The following SNTG1 variants were observed in gnomAD, a reference collection of about 807,000 sequenced individuals.
The protein encoded by SNTG1 is syntrophin gamma 1, also known as gamma-1-syntrophin.
SNTG1 carries 39 observed loss-of-function variants against 74.7 expected under a neutral mutation model. The ratio of observed to expected loss-of-function variants is 0.52; its 90% CI spans 0.40 to 0.68. SNTG1 has a LOEUF of 0.68. Ranked by LOEUF, SNTG1 falls within the 30% of genes least tolerant of loss-of-function variation. The probability of loss-of-function intolerance (pLI) is 0.00; values close to 1 mark genes in which losing one functional copy is unlikely to be tolerated. For missense variants in SNTG1, 685 were observed against 609.5 expected, an observed-to-expected ratio of 1.12 and a Z score of -1.30; for synonymous variants, 254 against 217.1, an observed-to-expected ratio of 1.17 and a Z score of -1.49.
chr8:50,780,943 G>T (rs1262215886), intron 18 of SNTG1, among the ~76,000 whole-genome samples: 1 of 152,086 alleles, frequency 6.6e-6, no homozygotes, highest in Non-Finnish European at 1.5e-5. Context: ...CTTTATTTCT[G>T]CCTTTATTTC....
chr8:50,633,780 G>A (rs2095020306), intron 13 of SNTG1, among the ~76,000 whole-genome samples: 1 of 152,180 alleles, frequency 6.6e-6, no homozygotes, highest in African/African-American at 2.4e-5. Context: ...TTCCTATGGG[G>A]TGAGGAGTGC....
At chr8:50,016,671 T>C (rs1347256997) in intron 1 of SNTG1, among the ~76,000 whole-genome samples, 1 of 152,106 alleles carries the variant, frequency 6.6e-6, no homozygotes, top group Non-Finnish European at 1.5e-5. Context: ...AATAAGAAAA[T>C]TGCTTGAATT....
At chr8:50,309,144 T>G (rs2090012724) in intron 2 of SNTG1, among the ~76,000 whole-genome samples, 1 of 152,182 alleles carries the variant, frequency 6.6e-6, no homozygotes, top group African/African-American at 2.4e-5. Flanking sequence ...TAATCAAGCT[T>G]AAAGTTCAGA....
chr8:50,259,519 AGAAAGAAAGAAAGAAAGAAAG>A (rs1563810383), intron 2 of SNTG1, among the ~76,000 whole-genome samples: 479 of 14,110 alleles, frequency 0.034, 88 homozygotes, highest in South Asian at 0.05. Context: ...AAAGAAAGAA[AGAAAGAAAGAAAGAAAGAAAG>A]AAAGAAAGAA....
chr8:50,181,304 T>C (rs1239084580), intron 2 of SNTG1, among the ~76,000 whole-genome samples: 1 of 152,244 alleles, frequency 6.6e-6, no homozygotes, highest in Admixed American at 6.5e-5. Context: ...TCTGGATATT[T>C]GGACTTGATC....
At chr8:50,049,605 G>T (rs1352202195) in intron 1 of SNTG1, among the ~76,000 whole-genome samples, 1 of 152,032 alleles carries the variant, frequency 6.6e-6, no homozygotes, top group East Asian at 1.9e-4. Context: ...GAAAATGAGT[G>T]CATAGTGGAA....
At chr8:50,008,745 C>T (rs117119961) in intron 1 of SNTG1, among the ~76,000 whole-genome samples, 2,813 of 152,164 alleles carry the variant, frequency 0.018, 43 homozygotes, top group Admixed American at 0.025. Flanking sequence ...ATGTCAGCCA[C>T]CTGTTTTGTC....
chr8:50,259,509 A>AAAAG (rs2087053717), intron 2 of SNTG1, among the ~76,000 whole-genome samples: 1 of 10,976 alleles, frequency 9.1e-5, no homozygotes, highest in African/African-American at 1.2e-4. Context: ...AAAAAAAAAA[A>AAAAG]AAGAAAGAAA....
intron 17 of SNTG1, among the ~76,000 whole-genome samples, chr8:50,728,812 T>C (rs1020393970): frequency 6.6e-6 from 1 of 152,192 alleles, no homozygotes; most frequent in African/African-American, 2.4e-5. Flanking sequence ...ATTTTAGTAA[T>C]CCTAGATCCC....
chr8:50,192,123 C>A (rs550259413), intron 2 of SNTG1, among the ~76,000 whole-genome samples: 122 of 152,218 alleles, frequency 8.0e-4, no homozygotes, highest in African/African-American at 2.8e-3. Flanking sequence ...GCATCCCACC[C>A]TGAGTGCAGC....
chr8:50,284,991 G>A (rs1390343218), intron 2 of SNTG1, among the ~76,000 whole-genome samples: 1 of 151,954 alleles, frequency 6.6e-6, no homozygotes, highest in Non-Finnish European at 1.5e-5. Context: ...CTTCAGATGG[G>A]CAAGTTCTCC....
At chr8:50,741,433 A>C (rs554655439) in intron 17 of SNTG1, among the ~76,000 whole-genome samples, 3 of 152,032 alleles carry the variant, frequency 2.0e-5, no homozygotes, top group Non-Finnish European at 2.9e-5. Flanking sequence ...AGTACCCCTG[A>C]ACTTAAAATA....
At chr8:50,532,831 G>A (rs991276294) in intron 10 of SNTG1, among the ~76,000 whole-genome samples, 2 of 152,114 alleles carry the variant, frequency 1.3e-5, no homozygotes, top group African/African-American at 4.8e-5. Context: ...CTATTTAAAA[G>A]AAACATTTGA....
intron 2 of SNTG1, among the ~76,000 whole-genome samples, chr8:50,322,089 T>G (rs2090554585): frequency 6.7e-6 from 1 of 148,962 alleles, no homozygotes; most frequent in Non-Finnish European, 1.5e-5. Flanking sequence ...TTTTTCAGAT[T>G]GGAGAATTGC....
chr8:50,500,100 A>G (rs931302420), intron 8 of SNTG1, among the ~76,000 whole-genome samples: 1 of 151,970 alleles, frequency 6.6e-6, no homozygotes, highest in Non-Finnish European at 1.5e-5. Flanking sequence ...CATGTCTGTC[A>G]TCCAATTGGA....
chr8:50,222,607 A>G (rs890014655), intron 2 of SNTG1, among the ~76,000 whole-genome samples: 2 of 152,102 alleles, frequency 1.3e-5, no homozygotes, highest in South Asian at 4.1e-4. Flanking sequence ...TTAATTGTCC[A>G]GTTTGGGAGG....
At chr8:50,185,988 T>G (rs1340787767) in intron 2 of SNTG1, among the ~76,000 whole-genome samples, 2 of 152,140 alleles carry the variant, frequency 1.3e-5, no homozygotes, top group Non-Finnish European at 2.9e-5. Flanking sequence ...GCCCTAATGC[T>G]CTCCATACCC....
At chr8:50,698,986 C>T (rs567518144) in intron 15 of SNTG1, among the ~76,000 whole-genome samples, 3 of 152,064 alleles carry the variant, frequency 2.0e-5, no homozygotes, top group Admixed American at 6.6e-5. Flanking sequence ...GGAGTTTCTT[C>T]GTGTGTTACT....
At chr8:50,741,782 T>C (rs780387970) in intron 17 of SNTG1, among the ~76,000 whole-genome samples, 1 of 152,010 alleles carries the variant, frequency 6.6e-6, no homozygotes, top group Non-Finnish European at 1.5e-5. Flanking sequence ...TTATATACTG[T>C]ATGATTCCAA....
Sources: gnomAD v4.1 joint callset for allele counts (sites outside exome capture counted in the v4.1 genomes callset) on GRCh38, gnomAD v4.1.1 for gene constraint, MANE v1.5 for transcripts, NCBI Gene and HGNC (gene_info 2026-07-23, HGNC 2026-07-21) for gene names.